Variants in NR3C2 observed in about 807,000 individuals in gnomAD.
NR3C2 encodes nuclear receptor subfamily 3 group C member 2.
In NR3C2, 15 loss-of-function variants were observed where a neutral mutation model predicts 86.4. That is an observed-to-expected ratio of 0.17 (90% CI 0.12 to 0.27). The LOEUF is 0.27. Ranked by LOEUF, NR3C2 falls within the 10% of genes least tolerant of loss-of-function variation. The pLI, the probability that NR3C2 is intolerant of heterozygous loss-of-function variation, is 1.00. For missense variants in NR3C2, 960 were observed against 1,195.6 expected, an observed-to-expected ratio of 0.80 and a Z score of 2.91; for synonymous variants, 458 against 450.5, an observed-to-expected ratio of 1.02 and a Z score of -0.21.
chr4:148,182,357 A>T (rs1429289258), intron 4 of NR3C2, among the ~76,000 whole-genome samples: 1 of 152,232 alleles, frequency 6.6e-6, no homozygotes, highest in Non-Finnish European at 1.5e-5. Flanking sequence ...AAGAAAAAAA[A>T]TTACAATGTA....
intron 3 of NR3C2, among the ~76,000 whole-genome samples, chr4:148,203,000 C>A (rs886443374): frequency 5.9e-5 from 9 of 152,122 alleles, no homozygotes; most frequent in Non-Finnish European, 8.8e-5. Flanking sequence ...TCCTTTAAAA[C>A]CTTATTTTTA....
intron 2 of NR3C2, among the ~76,000 whole-genome samples, chr4:148,381,693 T>G (rs1561075325): frequency 6.6e-6 from 1 of 152,196 alleles, no homozygotes. Context: ...AAGTACTGCT[T>G]ATGGCAACAG....
chr4:148,287,457 T>C (rs1741582216), intron 2 of NR3C2, among the ~76,000 whole-genome samples: 1 of 152,194 alleles, frequency 6.6e-6, no homozygotes, highest in Non-Finnish European at 1.5e-5. Context: ...CAAAATTAGC[T>C]CGATGTTTAA....
chr4:148,105,699 C>T (rs1266061254), intron 8 of NR3C2, among the ~76,000 whole-genome samples: 4 of 152,168 alleles, frequency 2.6e-5, no homozygotes, highest in African/African-American at 7.2e-5. Context: ...TGGCTTCATC[C>T]CTGGGATGCA....
intron 6 of NR3C2, among the ~76,000 whole-genome samples, chr4:148,137,575 T>G (rs917279345): frequency 1.3e-5 from 2 of 152,206 alleles, no homozygotes; most frequent in African/African-American, 4.8e-5. Context: ...AAGTCTTTCT[T>G]GAATGAGGAA....
intron 6 of NR3C2, among the ~76,000 whole-genome samples, chr4:148,125,622 A>G (rs938244876): frequency 6.6e-6 from 1 of 152,212 alleles, no homozygotes; most frequent in African/African-American, 2.4e-5. Context: ...GTGTTTAGAA[A>G]AATTTAAAAA....
chr4:148,387,817 G>A (rs1747346605), intron 2 of NR3C2, among the ~76,000 whole-genome samples: 1 of 152,140 alleles, frequency 6.6e-6, no homozygotes, highest in South Asian at 2.1e-4. Context: ...TTCCCAGAAG[G>A]ATATGTTTTT....
chr4:148,174,632 G>A (rs373483904), intron 4 of NR3C2, among the ~76,000 whole-genome samples: 1 of 152,208 alleles, frequency 6.6e-6, no homozygotes, highest in African/African-American at 2.4e-5. Context: ...GTCTCCCCAG[G>A]GGGTATAAAT....
At chr4:148,285,142 C>A (rs186525608) in intron 2 of NR3C2, among the ~76,000 whole-genome samples, 83 of 152,274 alleles carry the variant, frequency 5.5e-4, no homozygotes, top group African/African-American at 1.9e-3. Flanking sequence ...TTACACCATA[C>A]TGAAAAAGTG....
intron 1 of NR3C2, among the ~76,000 whole-genome samples, chr4:148,440,755 T>C (rs1459503339): frequency 6.6e-6 from 1 of 152,238 alleles, no homozygotes; most frequent in East Asian, 1.9e-4. Context: ...CGTTTTACAG[T>C]CTGTGTTAAA....
At chr4:148,440,107 C>A (rs1750264669) in intron 1 of NR3C2, among the ~76,000 whole-genome samples, 1 of 152,184 alleles carries the variant, frequency 6.6e-6, no homozygotes, top group African/African-American at 2.4e-5. Flanking sequence ...CACCTCTCAA[C>A]AAAGGAAACA....
At chr4:148,281,444 T>C (rs1183570866) in intron 2 of NR3C2, among the ~76,000 whole-genome samples, 1 of 152,244 alleles carries the variant, frequency 6.6e-6, no homozygotes, top group African/African-American at 2.4e-5. Flanking sequence ...ATAATGTATA[T>C]TTCCATAATT....
chr4:148,299,182 G>A (rs1037612905), intron 2 of NR3C2, among the ~76,000 whole-genome samples: 1 of 152,080 alleles, frequency 6.6e-6, no homozygotes, highest in African/African-American at 2.4e-5. Context: ...TTTCTTGGTT[G>A]TGACACAAGA....
upstream of NR3C2, chr4:148,442,614 G>A (rs897241932): frequency 1.0e-6 from 1 of 982,952 alleles, no homozygotes; most frequent in Non-Finnish European, 1.2e-6. Context: ...GCTCCACGCC[G>A]CACGGGTCAG....
At chr4:148,218,787 T>C (rs1469755288) in intron 3 of NR3C2, among the ~76,000 whole-genome samples, 1 of 152,200 alleles carries the variant, frequency 6.6e-6, no homozygotes, top group Non-Finnish European at 1.5e-5. Context: ...TTGTTTTTGG[T>C]GTTTTTCACT....
rs984553840 is a variant in NR3C2, at chr4:148,079,599, T to C, written c.*1745A>G. ...AAGTAGTTTATTTAGTGCAATCATA[T>C]TGTTAGTTTCCCCAAAGATACATAT... On this transcript the variant is annotated 3_prime_UTR_variant, in exon 9 of 9. Coordinates refer to ENST00000358102, the MANE Select transcript of NR3C2 (RefSeq NM_000901.5). 6.5e-6 allele frequency: 1 copy of C among 152,734 alleles called. No homozygotes were observed. The highest frequency in any genetic ancestry group is 6.5e-5 in the Admixed American group (1 of 15,288). The allele number at this position is 152,734 out of a possible 1,614,324, so 9.5% of individuals were successfully genotyped here.
Position 148,167,167 on chromosome 4 carries a change from C to T in NR3C2, c.2015-12266G>A, listed in dbSNP as rs61757931. On this transcript the variant is annotated intron_variant, in intron 4 of 8. Coordinates refer to ENST00000358102, the MANE Select transcript of NR3C2 (RefSeq NM_000901.5). ...CTTCAACAAATGATTTCACTGATGGCTTTGTTAGTGTAAGGACAAGCCGCT... is the reference window on the plus strand; with the variant it reads ...CTTCAACAAATGATTTCACTGATGGTTTTGTTAGTGTAAGGACAAGCCGCT... Among the ~76,000 whole-genome samples the T allele has an allele frequency of 9.8e-3, 1,484 of 152,190 alleles. 11 individuals are homozygous for T. Among genetic ancestry groups the T allele is most frequent in the Non-Finnish European group, 0.014 (942 of 68,006 alleles).
intron 6 of NR3C2, among the ~76,000 whole-genome samples, chr4:148,124,918 C>T (rs1407613879): frequency 6.6e-6 from 1 of 152,120 alleles, no homozygotes; most frequent in Non-Finnish European, 1.5e-5. Flanking sequence ...CTATTCAATT[C>T]TCTCTCAAAC....
At chr4:148,221,206 C>T (rs1020950590) in intron 3 of NR3C2, among the ~76,000 whole-genome samples, 4 of 152,160 alleles carry the variant, frequency 2.6e-5, no homozygotes, top group Admixed American at 6.5e-5. Context: ...GTGGCTGAAG[C>T]GTTTAAAAGG....
Sources: allele counts gnomAD v4.1 joint callset (sites outside exome capture counted in the v4.1 genomes callset), GRCh38; gene constraint gnomAD v4.1.1; transcripts MANE v1.5; gene names NCBI Gene and HGNC (gene_info 2026-07-23, HGNC 2026-07-21).